PCDHA3: variants seen among roughly 807,000 people sequenced by gnomAD.
The protein encoded by PCDHA3 is protocadherin alpha 3, also known as protocadherin alpha-3.
In PCDHA3, 41 loss-of-function variants were observed where a neutral mutation model predicts 62.2. That is an observed-to-expected ratio of 0.66 (90% CI 0.51 to 0.86). PCDHA3 has a LOEUF of 0.86. Among genes scored for constraint, PCDHA3 ranks in the 40% least tolerant of loss-of-function variants. The pLI is 0.00. For synonymous variants in PCDHA3, 640 were observed against 555.4 expected, an observed-to-expected ratio of 1.15 and a Z score of -2.14; for missense variants, 1,304 against 1,241.2, an observed-to-expected ratio of 1.05 and a Z score of -0.76.
intron 1 of PCDHA3, chr5:140,870,378 T>C (rs782676295): frequency 1.9e-6 from 3 of 1,614,036 alleles, no homozygotes; most frequent in African/African-American, 1.3e-5. Flanking sequence ...TGGTGGTGAC[T>C]GCGCGGGATG....
At chr5:140,848,198 C>T (rs2150407095) in intron 1 of PCDHA3, 8 of 311,274 alleles carry the variant, frequency 2.6e-5, no homozygotes, top group African/African-American at 1.7e-4. Flanking sequence ...TCTGTTTCAA[C>T]AATCATTACT....
intron 1 of PCDHA3, among the ~76,000 whole-genome samples, chr5:140,946,184 C>T (rs2093899107): frequency 6.6e-6 from 1 of 151,990 alleles, no homozygotes; most frequent in African/African-American, 2.4e-5. Context: ...TGTGAATAGA[C>T]ATTTCTCAAA....
At chr5:140,968,273 G>A in intron 1 of PCDHA3, 1 of 1,614,080 alleles carries the variant, frequency 6.2e-7, no homozygotes, top group African/African-American at 1.3e-5. Context: ...GGAGAATGCA[G>A]AGGTGACCTA....
chr5:140,802,053 T>C lies in PCDHA3; in HGVS notation c.856T>C (p.Ser286Pro). The change falls in exon 1 of 4, where the codon TCA becomes CCA. Residue 286 changes from serine to proline, a missense_variant. Coordinates refer to ENST00000522353, the MANE Select transcript of PCDHA3 (RefSeq NM_018906.3). ...CGCGTATTCTTTCAATACGGACATG[T>C]CAGCAGATATTCTGTCAAAATTCCA... ...DIAYSFNTDMSADILSKFHLD... is the reference protein window; with the variant it reads ...DIAYSFNTDMPADILSKFHLD... The C allele has an allele frequency of 6.2e-7, 1 of 1,614,190 alleles. No individual in the cohort carries two copies. The highest frequency in any genetic ancestry group is 8.5e-7 in the Non-Finnish European group (1 of 1,180,042).
At chr5:140,966,185 GA>G (rs1378285647) in intron 1 of PCDHA3, 4 of 197,798 alleles carry the variant, frequency 2.0e-5, no homozygotes, top group Non-Finnish European at 4.0e-5. Context: ...CTGATAGCCA[GA>G]CTTCTAGGGG....
rs1421917213 is a variant in PCDHA3, at chr5:140,803,313, G to A, written c.2116G>A (p.Ala706Thr). 2 of 1,614,024 alleles carry A rather than the reference G, an allele frequency of 1.2e-6. No homozygotes were observed. The highest frequency in any genetic ancestry group is 8.5e-7 in the Non-Finnish European group (1 of 1,180,002). Residue 706 changes from alanine to threonine, a missense_variant, in exon 1 of 4, where the codon GCG becomes ACG. Ala to Thr is a moderately conservative substitution (Grantham distance 58). Transcript: ENST00000522353. The part of the protein sequence containing the change: ...VNVYLIVAIC[A>T]VSSLLVLTLL... ...CGTGTACTTGATCGTCGCCATCTGCGCGGTGTCCAGTCTGTTGGTGCTCAC... is the reference window on the plus strand; with the variant it reads ...CGTGTACTTGATCGTCGCCATCTGCACGGTGTCCAGTCTGTTGGTGCTCAC...
intron 1 of PCDHA3, among the ~76,000 whole-genome samples, chr5:140,955,810 A>G (rs1171384572): frequency 1.3e-5 from 2 of 152,090 alleles, no homozygotes; most frequent in Non-Finnish European, 2.9e-5. Context: ...GTTTGTGTCC[A>G]CTGTGATTTC....
At chr5:140,875,921 C>T (rs782082764) in intron 1 of PCDHA3, 57 of 1,614,110 alleles carry the variant, frequency 3.5e-5, no homozygotes, top group Non-Finnish European at 4.8e-5. Context: ...CCTCTGGACT[C>T]TCATTTTCCT....
intron 3 of PCDHA3, among the ~76,000 whole-genome samples, chr5:141,008,307 G>A (rs1212029861): frequency 2.0e-5 from 3 of 152,176 alleles, no homozygotes; most frequent in Admixed American, 1.3e-4. Context: ...ACCCTAAACT[G>A]TAATTGAACA....
chr5:141,008,346 C>T lies in PCDHA3; in HGVS notation c.2543-1281C>T, dbSNP rs1223206383. Among the ~76,000 whole-genome samples the T allele has an allele frequency of 2.0e-5, 3 of 152,158 alleles. No homozygotes were observed. The East Asian group carries it at 5.8e-4, about 29-fold the overall frequency. On this transcript the variant is annotated intron_variant, in intron 3 of 3. Coordinates refer to ENST00000522353, the MANE Select transcript of PCDHA3 (RefSeq NM_018906.3). ...ACAGTTTATTTGATGGAGCTTTTCA[C>T]GTGTCAACCAAAGGAGCAGTGTTAG...
At chr5:140,854,919 A>G (rs1554147504) in intron 1 of PCDHA3, among the ~76,000 whole-genome samples, 1 of 150,004 alleles carries the variant, frequency 6.7e-6, no homozygotes, top group African/African-American at 2.4e-5. Context: ...GGTTGAAAGC[A>G]TTTGCCTCTG....
intron 1 of PCDHA3, among the ~76,000 whole-genome samples, chr5:140,880,869 G>A (rs1017640769): frequency 2.0e-5 from 3 of 152,064 alleles, no homozygotes; most frequent in Non-Finnish European, 4.4e-5. Context: ...TATGTGAAGA[G>A]GTAAATAAAG....
At chr5:141,001,978 A>G (rs1331599524) in intron 3 of PCDHA3, among the ~76,000 whole-genome samples, 1 of 152,166 alleles carries the variant, frequency 6.6e-6, no homozygotes, top group Non-Finnish European at 1.5e-5. Context: ...TCTGCGCGGA[A>G]AGCCTGGAAG....
chr5:140,838,723 T>C (rs1554137164), intron 1 of PCDHA3, among the ~76,000 whole-genome samples: 3 of 151,910 alleles, frequency 2.0e-5, no homozygotes, highest in South Asian at 4.1e-4. Flanking sequence ...ATTGCTTCAG[T>C]CTAGTAGTTT....
intron 1 of PCDHA3, chr5:140,829,433 A>T: frequency 6.2e-7 from 1 of 1,614,022 alleles, no homozygotes; most frequent in Non-Finnish European, 8.5e-7. Context: ...GGTGGCCGAC[A>T]TGAATGACAA....
At chr5:140,844,980 T>A (rs1294725594) in intron 1 of PCDHA3, among the ~76,000 whole-genome samples, 1 of 149,336 alleles carries the variant, frequency 6.7e-6, no homozygotes, top group African/African-American at 2.5e-5. Flanking sequence ...AGTATTGTTT[T>A]AAATCTTTTA....
intron 1 of PCDHA3, chr5:140,823,109 C>T (rs1197473169): frequency 6.2e-7 from 1 of 1,614,038 alleles, no homozygotes. Context: ...GTGGAAGTGG[C>T]CGACGTGAAC....
At chr5:140,867,147 C>G (rs1554160998) in intron 1 of PCDHA3, 1 of 152,068 alleles carries the variant, frequency 6.6e-6, no homozygotes, top group Non-Finnish European at 1.5e-5. Flanking sequence ...TATCATTTTT[C>G]CAGAGTAAAC....
At chr5:140,913,348 C>A (rs1233529642) in intron 1 of PCDHA3, among the ~76,000 whole-genome samples, 1 of 152,080 alleles carries the variant, frequency 6.6e-6, no homozygotes, top group East Asian at 1.9e-4. Context: ...TCCATTTCCT[C>A]TAGATTTTTA....
Sources: allele counts gnomAD v4.1 joint callset (sites outside exome capture counted in the v4.1 genomes callset), GRCh38; gene constraint gnomAD v4.1.1; transcripts MANE v1.5; gene names NCBI Gene and HGNC (gene_info 2026-07-23, HGNC 2026-07-21).